Variants in SNX25 observed in about 807,000 individuals in gnomAD.
SNX25 encodes sorting nexin-25.
In SNX25, 62 loss-of-function variants were observed where a neutral mutation model predicts 113.7. The ratio of observed to expected loss-of-function variants is 0.55; its 90% CI spans 0.44 to 0.67. The LOEUF is 0.67. SNX25 is among the 30% of genes least tolerant of loss of function. SNX25 has a pLI of 0.00. For synonymous variants in SNX25, 421 were observed against 436.2 expected, an observed-to-expected ratio of 0.97 and a Z score of 0.43; for missense variants, 1,014 against 1,161.0, an observed-to-expected ratio of 0.87 and a Z score of 1.84.
upstream of SNX25, among the ~76,000 whole-genome samples, chr4:185,208,308 G>A (rs768431938): frequency 1.3e-4 from 19 of 151,952 alleles, no homozygotes; most frequent in Admixed American, 3.3e-4. Flanking sequence ...GAGCCACCGT[G>A]CCCGCCCCTA....
chr4:185,378,272 T>G, the SNX25 span: 1 of 1,573,276 alleles, frequency 6.4e-7, no homozygotes, highest in Non-Finnish European at 8.6e-7. Flanking sequence ...AAAGAGAGAC[T>G]CTATTCCCAC....
intron 2 of SNX25, among the ~76,000 whole-genome samples, chr4:185,247,943 G>A (rs1453008815): frequency 6.6e-6 from 1 of 152,090 alleles, no homozygotes. Context: ...GTTTAAGAAA[G>A]ATTTTAAATA....
chr4:185,287,157 C>T (rs1370756103), intron 5 of SNX25, among the ~76,000 whole-genome samples: 18 of 152,126 alleles, frequency 1.2e-4, no homozygotes, highest in Admixed American at 9.2e-4. Flanking sequence ...TTGTAAAGCC[C>T]AATTGAATTT....
rs1216660362 is a variant in SNX25 at position 185,320,787 on chromosome 4, A to G, written c.1399A>G (p.Met467Val). Reference sequence around the variant, plus strand: ...TACGTTCTACCGAGAGCACTTTGGAATGTACATGGAAAGGATGGACAAAAG... The same window carrying G: ...TACGTTCTACCGAGAGCACTTTGGAGTGTACATGGAAAGGATGGACAAAAG... Reference protein sequence around the residue: ...ANTFYREHFGMYMERMDKRAL... With the variant: ...ANTFYREHFGVYMERMDKRAL... The change falls in exon 8 of 19, where the codon ATG (methionine) becomes GTG (valine). Residue 467 changes from methionine (M) to valine (V), a missense_variant. Transcript: ENST00000652585. 1 of 1,605,156 alleles carries G rather than the reference A, an allele frequency of 6.2e-7. No individual in the cohort carries two copies. The highest frequency in any genetic ancestry group is 8.5e-7 in the Non-Finnish European group (1 of 1,175,976).
chr4:185,257,072 C>G (rs1288038495), intron 2 of SNX25, among the ~76,000 whole-genome samples: 2 of 150,512 alleles, frequency 1.3e-5, no homozygotes, highest in East Asian at 3.9e-4. Flanking sequence ...GTAGGATTCC[C>G]AGGGATAAAG....
intron 1 of SNX25, among the ~76,000 whole-genome samples, chr4:185,222,291 A>G (rs1180323945): frequency 6.7e-6 from 1 of 148,908 alleles, no homozygotes; most frequent in Non-Finnish European, 1.5e-5. Context: ...CGGTAGGTAT[A>G]CAGCACCATA....
chr4:185,206,053 T>C (rs1737175269), upstream of SNX25, among the ~76,000 whole-genome samples: 1 of 152,246 alleles, frequency 6.6e-6, no homozygotes, highest in South Asian at 2.1e-4. Flanking sequence ...CCCTTATGCA[T>C]TGCTTGTGAG....
upstream of SNX25, among the ~76,000 whole-genome samples, chr4:185,207,358 A>AGGGAGTGGTG (rs1476065519): frequency 2.0e-5 from 3 of 151,780 alleles, no homozygotes; most frequent in East Asian, 5.8e-4. Context: ...CTGGGACTAC[A>AGGGAGTGGTG]GGCGCACACC....
chr4:185,284,670 G>C (rs1751101018), intron 5 of SNX25, among the ~76,000 whole-genome samples: 1 of 152,182 alleles, frequency 6.6e-6, no homozygotes, highest in South Asian at 2.1e-4. Flanking sequence ...ATTTGGGGAG[G>C]TGCAGGAGGT....
chr4:185,352,393 T>C (rs2095320108), intron 14 of SNX25, among the ~76,000 whole-genome samples: 1 of 152,188 alleles, frequency 6.6e-6, no homozygotes, highest in African/African-American at 2.4e-5. Context: ...GCTGCTCTTC[T>C]GCATTCTCAG....
rs2177796 is a variant in SNX25 at position 185,210,780 on chromosome 4, G to T, written c.429+525G>T. 0.78 allele frequency among the ~76,000 whole-genome samples: 118,339 copies of T among 151,712 alleles called. 46,439 individuals are homozygous for T. The highest frequency in any genetic ancestry group is 0.88 in the African/African-American group (36,609 of 41,406). ...CACCCTATCCTGCCTTCCACCATGC[G>T]GATACGTATTATAGTTGTGCAGTCC... On this transcript the variant is annotated intron_variant, in intron 1 of 18. Coordinates refer to ENST00000652585, the MANE Select transcript of SNX25 (RefSeq NM_001378034.2). This position sits in a 1 kb window ranked among gnomAD's most constrained non-coding sequence, Gnocchi z 4.4.
intron 1 of SNX25, among the ~76,000 whole-genome samples, chr4:185,240,395 G>C (rs887593441): frequency 6.7e-6 from 1 of 150,304 alleles, no homozygotes; most frequent in Non-Finnish European, 1.5e-5. Flanking sequence ...CGGGCGGGGG[G>C]CTGACCCCCC....
intron 6 of SNX25, among the ~76,000 whole-genome samples, chr4:185,297,500 C>T (rs1199062354): frequency 6.6e-6 from 1 of 152,234 alleles, no homozygotes; most frequent in African/African-American, 2.4e-5. Flanking sequence ...TAAAGTCTCA[C>T]ATAGCTGGGC....
At chr4:185,365,627 T>C (rs1289363065), downstream of SNX25, 2 of 149,196 alleles carry the variant, frequency 1.3e-5, no homozygotes, top group East Asian at 3.9e-4. Context: ...GTGCTGGGAT[T>C]ACAGACGTGA....
At chr4:185,313,542 A>G (rs1436584458) in intron 7 of SNX25, among the ~76,000 whole-genome samples, 1 of 152,234 alleles carries the variant, frequency 6.6e-6, no homozygotes, top group Admixed American at 6.5e-5. Flanking sequence ...ATATCTAAAT[A>G]AGGCTTCCAT....
At chr4:185,212,542 C>T (rs1175880861) in intron 1 of SNX25, among the ~76,000 whole-genome samples, 2 of 139,574 alleles carry the variant, frequency 1.4e-5, no homozygotes, top group African/African-American at 5.3e-5. Flanking sequence ...GTGCAAGCCA[C>T]CACGCCTGGC....
intron 6 of SNX25, among the ~76,000 whole-genome samples, chr4:185,291,382 C>T (rs765578436): frequency 8.5e-5 from 13 of 152,132 alleles, no homozygotes; most frequent in Non-Finnish European, 1.3e-4. Flanking sequence ...CCCCTCAGCC[C>T]GTGACAACCA....
At position 185,272,912 on chromosome 4, in the gene SNX25, C is replaced by G. The variant is rs80078914; in HGVS notation, c.1091+5757C>G. Among the ~76,000 whole-genome samples, 326 of 152,286 alleles carry G rather than the reference C, an allele frequency of 2.1e-3. 9 individuals are homozygous for G. The East Asian group carries it at 0.052, about 24-fold the overall frequency. ...TTTCTCAACCTTGGTAAAATTGACA[C>G]TTGGGGCTAGATAATTCTTTATTGT... On this transcript the variant is annotated intron_variant, in intron 5 of 18. Coordinates refer to ENST00000652585, the MANE Select transcript of SNX25 (RefSeq NM_001378034.2).
chr4:185,223,054 C>G (rs1282196829), intron 1 of SNX25, among the ~76,000 whole-genome samples: 2 of 152,068 alleles, frequency 1.3e-5, no homozygotes, highest in African/African-American at 4.8e-5. Flanking sequence ...AAAATCCAAC[C>G]AAATAGATGT....
Sources: gnomAD v4.1 joint callset for allele counts (sites outside exome capture counted in the v4.1 genomes callset) on GRCh38, gnomAD v4.1.1 for gene constraint, Gnocchi (gnomAD v3.1) non-coding constraint, MANE v1.5 for transcripts, NCBI Gene and HGNC (gene_info 2026-07-23, HGNC 2026-07-21) for gene names.